POPDC1: variants seen among roughly 807,000 people sequenced by gnomAD.
The protein encoded by POPDC1 is popeye domain-containing protein 1.
the POPDC1 span, chr6:105,101,290 T>C: frequency 7.2e-7 from 1 of 1,397,188 alleles, no homozygotes; most frequent in Non-Finnish European, 9.4e-7. Context: ...CAATTATAAA[T>C]TCCAACTGGA....
the POPDC1 span, chr6:105,100,084 G>C: frequency 6.6e-6 from 1 of 152,154 alleles, no homozygotes; most frequent in Non-Finnish European, 1.5e-5. Context: ...TAAAATCTGA[G>C]AGTTTTGTTC....
the POPDC1 span, chr6:105,124,613 G>A: frequency 6.2e-7 from 1 of 1,612,638 alleles, no homozygotes; most frequent in Non-Finnish European, 8.5e-7. Flanking sequence ...AGGCACAGGG[G>A]TAAATGTTAT....
At chr6:105,114,104 C>G in the POPDC1 span, among the ~76,000 whole-genome samples, 1 of 152,264 alleles carries the variant, frequency 6.6e-6, no homozygotes, top group Admixed American at 6.5e-5. Context: ...CTGTACAAGC[C>G]TTTATTAAAA....
chr6:105,102,249 G>A, the POPDC1 span, among the ~76,000 whole-genome samples: 1 of 152,202 alleles, frequency 6.6e-6, no homozygotes, highest in South Asian at 2.1e-4. Flanking sequence ...CAGCAAAAGC[G>A]AGTGGAGGAT....
chr6:105,103,607 G>A, the POPDC1 span, among the ~76,000 whole-genome samples: 1 of 152,124 alleles, frequency 6.6e-6, no homozygotes, highest in Non-Finnish European at 1.5e-5. Context: ...GCATGTCTAA[G>A]AGCATTAAAT....
chr6:105,121,302 G>T, the POPDC1 span, among the ~76,000 whole-genome samples: 3 of 144,894 alleles, frequency 2.1e-5, no homozygotes, highest in African/African-American at 7.7e-5. Context: ...GTCTCATTCT[G>T]TTGCCCAGGC....
chr6:105,097,530 G>A, the POPDC1 span: 2 of 152,224 alleles, frequency 1.3e-5, no homozygotes, highest in Non-Finnish European at 2.9e-5. Flanking sequence ...AACTTTCTCT[G>A]GAGTGCCAAG....
At chr6:105,099,458 CT>C in the POPDC1 span, 2 of 152,192 alleles carry the variant, frequency 1.3e-5, no homozygotes, top group Admixed American at 6.5e-5. Flanking sequence ...TAACAGGAGA[CT>C]GACTCAAAGT....
At chr6:105,133,827 T>C in the POPDC1 span, among the ~76,000 whole-genome samples, 1 of 152,246 alleles carries the variant, frequency 6.6e-6, no homozygotes. Context: ...ATGAAATACA[T>C]AAAATACTTA....
the POPDC1 span, among the ~76,000 whole-genome samples, chr6:105,104,398 G>T: frequency 1.8e-4 from 27 of 152,150 alleles, no homozygotes; most frequent in South Asian, 5.6e-3. Flanking sequence ...CTTTCCTCCT[G>T]CAGCCTCACA....
chr6:105,108,688 ATT>A, the POPDC1 span, among the ~76,000 whole-genome samples: 1 of 152,222 alleles, frequency 6.6e-6, no homozygotes, highest in Non-Finnish European at 1.5e-5. Context: ...CTTGAACTTG[ATT>A]TTTAGAACAG....
At chr6:105,135,760 T>C in the POPDC1 span, among the ~76,000 whole-genome samples, 1 of 152,174 alleles carries the variant, frequency 6.6e-6, no homozygotes, top group African/African-American at 2.4e-5. Flanking sequence ...TATATATCTA[T>C]ATAATTGTCT....
the POPDC1 span, chr6:105,116,762 A>C: frequency 6.2e-7 from 1 of 1,611,886 alleles, no homozygotes; most frequent in Non-Finnish European, 8.5e-7. Context: ...TTTTCCAATA[A>C]GATACCTAAA....
the POPDC1 span, among the ~76,000 whole-genome samples, chr6:105,127,773 T>C: frequency 6.6e-6 from 1 of 152,080 alleles, no homozygotes; most frequent in Admixed American, 6.5e-5. Flanking sequence ...CTCTTTTTTT[T>C]TTTTGAGACA....
the POPDC1 span, chr6:105,100,402 CG>C: frequency 6.6e-6 from 1 of 151,496 alleles, no homozygotes; most frequent in Non-Finnish European, 1.5e-5. Context: ...CCCAGCTACT[CG>C]GGAGGCTGAG....
chr6:105,109,668 G>C, the POPDC1 span, among the ~76,000 whole-genome samples: 7 of 150,710 alleles, frequency 4.6e-5, no homozygotes, highest in African/African-American at 1.7e-4. Flanking sequence ...AGCCTGGGAG[G>C]CGGGAGGACA....
the POPDC1 span, chr6:105,115,956 G>GTATTCTT: frequency 3.9e-6 from 3 of 773,800 alleles, no homozygotes; most frequent in Non-Finnish European, 5.7e-6. Context: ...TACATATTAG[G>GTATTCTT]TGGCCAATAA....
chr6:105,116,873 C>G, the POPDC1 span: 3 of 1,608,804 alleles, frequency 1.9e-6, no homozygotes, highest in African/African-American at 4.0e-5. Context: ...GGTGACCTGC[C>G]AAAGAAACAA....
the POPDC1 span, among the ~76,000 whole-genome samples, chr6:105,102,866 T>C: frequency 1.6e-3 from 238 of 152,226 alleles, 1 homozygote; most frequent in Non-Finnish European, 2.2e-3. Flanking sequence ...AGCTAATGTA[T>C]ACTCGCTGTA....
Sources: allele counts gnomAD v4.1 joint callset (sites outside exome capture counted in the v4.1 genomes callset), GRCh38; gene constraint gnomAD v4.1.1; transcripts MANE v1.5; gene names NCBI Gene and HGNC (gene_info 2026-07-23, HGNC 2026-07-21).